TBCE: variants seen among roughly 807,000 people sequenced by gnomAD.
TBCE encodes the protein tubulin-specific chaperone E.
A neutral mutation model predicts 77.0 loss-of-function variants in TBCE; 53 were observed. The observed-to-expected ratio is 0.69, with a 90% CI of 0.55 to 0.87. The LOEUF (loss-of-function observed/expected upper bound fraction) is 0.87. Ranked by LOEUF, TBCE falls within the 40% of genes least tolerant of loss-of-function variation. The probability of loss-of-function intolerance (pLI) is 0.00; values close to 1 mark genes in which losing one functional copy is unlikely to be tolerated. For synonymous variants in TBCE, 235 were observed against 241.3 expected (o/e 0.97, Z 0.24); for missense variants, 624 against 622.4 (o/e 1.00, Z -0.03).
intron 2 of TBCE, among the ~76,000 whole-genome samples, chr1:235,396,456 G>A (rs763794774): frequency 2.0e-5 from 3 of 152,212 alleles, no homozygotes; most frequent in Admixed American, 6.5e-5. Context: ...AAACATAGGA[G>A]TGCAGATGTC....
chr1:235,448,220 C>CAAAAAAA (rs59405398), intron 15 of TBCE, 129 bp from the exon 16 acceptor site: 19 of 531,008 alleles, frequency 3.6e-5, no homozygotes, highest in African/African-American at 2.2e-4. Flanking sequence ...AAGTCAGTCT[C>CAAAAAAA]AAAAAAAAAA....
At chr1:235,413,442 A>G (rs1199022016) in intron 3 of TBCE, among the ~76,000 whole-genome samples, 2 of 152,014 alleles carry the variant, frequency 1.3e-5, no homozygotes, top group East Asian at 3.9e-4. Flanking sequence ...CGGGAGGATC[A>G]CTTAAGGTCA....
intron 3 of TBCE, among the ~76,000 whole-genome samples, chr1:235,403,752 A>G (rs1294458333): frequency 1.3e-5 from 2 of 152,122 alleles, no homozygotes; most frequent in African/African-American, 4.8e-5. Flanking sequence ...TGCATTGCTT[A>G]ATGAAGGGGA....
intron 1 of TBCE, among the ~76,000 whole-genome samples, chr1:235,375,825 C>G (rs964696318): frequency 1.3e-5 from 2 of 151,978 alleles, no homozygotes; most frequent in African/African-American, 2.4e-5. Context: ...GGTGAATCAC[C>G]TGAGGTCAGG....
chr1:235,445,205 CCTT>C (rs1036497463), intron 15 of TBCE, among the ~76,000 whole-genome samples: 2 of 151,790 alleles, frequency 1.3e-5, no homozygotes, highest in Admixed American at 6.6e-5. Context: ...CTTTTTTTCC[CCTT>C]TTTTATTTGC....
At chr1:235,382,666 G>T (rs1208059305) in intron 2 of TBCE, among the ~76,000 whole-genome samples, 1 of 151,466 alleles carries the variant, frequency 6.6e-6, no homozygotes, top group Non-Finnish European at 1.5e-5. Flanking sequence ...GGGGCTGTTT[G>T]TTTTTTTCTT....
intron 8 of TBCE, 83 bp from the exon 9 acceptor site, chr1:235,435,661 AC>A: frequency 3.7e-6 from 5 of 1,344,754 alleles, no homozygotes; most frequent in Non-Finnish European, 5.3e-6. Flanking sequence ...CCTCCATCGC[AC>A]CAAATGCAGG....
At chr1:235,436,652 C>T in intron 11 of TBCE, 44 bp downstream of exon 11, 2 of 1,547,630 alleles carry the variant, frequency 1.3e-6, no homozygotes, top group African/African-American at 2.7e-5. Context: ...TTGCCTCTTT[C>T]CACTCTCATG....
chr1:235,391,902 C>T lies in TBCE; in HGVS notation c.101-9601C>T, dbSNP rs555596260. Among the ~76,000 whole-genome samples the T allele has an allele frequency of 3.7e-3, 567 of 152,020 alleles. 5 individuals are homozygous for T. The highest frequency in any genetic ancestry group is 0.013 in the African/African-American group (542 of 41,488). ...GATTACAGATGTGAGCCACTGCACT[C>T]GGCCCATCTCTTATTTTTTGCTTAA... On this transcript the variant is annotated intron_variant, in intron 2 of 16. Transcript: ENST00000642610.
chr1:235,421,233 C>CTTG (rs144197854), intron 5 of TBCE, among the ~76,000 whole-genome samples: 4,026 of 152,138 alleles, frequency 0.026, 64 homozygotes, highest in Non-Finnish European at 0.042. Flanking sequence ...ATTGCCAGAC[C>CTTG]TTGTCTCTAT....
At chr1:235,389,849 C>T (rs763148725) in intron 2 of TBCE, among the ~76,000 whole-genome samples, 2 of 151,196 alleles carry the variant, frequency 1.3e-5, no homozygotes, top group African/African-American at 2.4e-5. Flanking sequence ...GCAGACTGGG[C>T]GTGGTGGCTC....
chr1:235,403,363 C>G (rs148365770), intron 3 of TBCE, among the ~76,000 whole-genome samples: 1 of 152,170 alleles, frequency 6.6e-6, no homozygotes, highest in African/African-American at 2.4e-5. Flanking sequence ...AACGCTACCA[C>G]GTCTGGCCAA....
At chr1:235,388,811 A>G (rs1351275341) in intron 2 of TBCE, among the ~76,000 whole-genome samples, 1 of 152,226 alleles carries the variant, frequency 6.6e-6, no homozygotes, top group Admixed American at 6.5e-5. Context: ...GAAAGAGAGT[A>G]AGCAAGGTTG....
intron 15 of TBCE, among the ~76,000 whole-genome samples, chr1:235,447,981 C>T (rs538861186): frequency 3.1e-4 from 47 of 152,066 alleles, no homozygotes; most frequent in Admixed American, 1.8e-3. Flanking sequence ...GGGGCCAGGG[C>T]GGGCGGATCA....
chr1:235,439,365 G>A (rs1234090713), intron 13 of TBCE, among the ~76,000 whole-genome samples: 5 of 150,820 alleles, frequency 3.3e-5, no homozygotes, highest in Admixed American at 2.6e-4. Flanking sequence ...GCGTGGTGGC[G>A]GGCACCTGTA....
chr1:235,400,635 C>T (rs1025124460), intron 2 of TBCE, among the ~76,000 whole-genome samples: 6 of 151,600 alleles, frequency 4.0e-5, no homozygotes, highest in African/African-American at 1.5e-4. Flanking sequence ...CTCCTGACCT[C>T]GTGATCCGCC....
At position 235,438,830 on chromosome 1, in the gene TBCE, G is replaced by A; in HGVS notation, c.1178G>A (p.Trp393Ter). The A allele has an allele frequency of 6.2e-7, 1 of 1,614,148 alleles. No individual in the cohort carries two copies. The highest frequency in any genetic ancestry group is 8.5e-7 in the Non-Finnish European group (1 of 1,180,036). Residue 393 changes from tryptophan (W) to a stop codon, truncating the protein, a stop_gained, in exon 13 of 17, where the codon TGG (tryptophan) becomes TAG (stop). Coordinates refer to ENST00000642610, the MANE Select transcript of TBCE (RefSeq NM_003193.5). LOFTEE classifies it high-confidence loss of function. ...LDYRKAFGNEWKQAGGHKDPE... is the reference protein window; with the variant it reads ...LDYRKAFGNE The stretch of plus-strand genomic sequence containing the variant: ...TACCGAAAAGCTTTTGGAAATGAGT[G>A]GAAACAGGCTGGTGGACATAAGGAT...
Position 235,430,713 on chromosome 1 carries a change from A to T in TBCE, c.569A>T (p.Lys190Ile), listed in dbSNP as rs150592371. 16 of 1,612,378 alleles carry T rather than the reference A, an allele frequency of 9.9e-6. No individual in the cohort carries two copies. In the East Asian group the frequency reaches 3.6e-4, roughly 36 times the overall value. Reference sequence around the variant, plus strand: ...CTTTTTTTTCTACACAGTGAAAATAAACTAAAATTTCCCTCCGGTTCAGTA... The same window carrying T: ...CTTTTTTTTCTACACAGTGAAAATATACTAAAATTTCCCTCCGGTTCAGTA... The part of the protein sequence containing the change: ...HLEVLNVSEN[K>I]LKFPSGSVLT... Residue 190 changes from lysine to isoleucine, a missense_variant, in exon 7 of 17, where the codon AAA becomes ATA. Transcript: ENST00000642610.
At chr1:235,443,510 T>C (rs1045610358) in intron 15 of TBCE, among the ~76,000 whole-genome samples, 1 of 152,184 alleles carries the variant, frequency 6.6e-6, no homozygotes, top group Non-Finnish European at 1.5e-5. Flanking sequence ...TGGCCTAAGT[T>C]GTATTTTTAA....
Sources: allele counts gnomAD v4.1 joint callset (sites outside exome capture counted in the v4.1 genomes callset), GRCh38; gene constraint gnomAD v4.1.1; transcripts MANE v1.5; gene names NCBI Gene and HGNC (gene_info 2026-07-23, HGNC 2026-07-21).